Variants in ATRAID observed in about 807,000 individuals in gnomAD.
ATRAID encodes all-trans retinoic acid induced differentiation factor.
Under a neutral mutation model 28.8 loss-of-function variants are expected in ATRAID, and 26 were observed. The observed-to-expected ratio is 0.90, with a 90% confidence interval of 0.66 to 1.25. ATRAID has a LOEUF of 1.25. Ranked by LOEUF, ATRAID falls within the 50% of genes most tolerant of loss-of-function variation. The probability of loss-of-function intolerance (pLI) is 0.00; values close to 1 mark genes in which losing one functional copy is unlikely to be tolerated. For missense variants in ATRAID, 308 were observed against 285.9 expected, an observed-to-expected ratio of 1.08 and a Z score of -0.56; for synonymous variants, 131 against 108.5, an observed-to-expected ratio of 1.21 and a Z score of -1.29.
Position 27,215,232 on chromosome 2 carries a change from A to C in ATRAID, c.222-89A>C, listed in dbSNP as rs191750060. The C allele has an allele frequency of 2.2e-3, 2,855 of 1,303,164 alleles. 45 individuals carry two copies. In the Admixed American group the frequency reaches 0.028, roughly 13 times the overall value. 80.7% of individuals were successfully genotyped at this position (1,303,164 alleles called of 1,614,324 possible). A position where few individuals can be genotyped will look rare whatever the true frequency, so the allele number is the denominator to read the frequency against. On this transcript the variant is annotated intron_variant, in intron 2 of 6. Transcript: ENST00000380171. ...CACAGCTGTGTTCAATTATTAGCTG[A>C]AAAGGGGGTTGTGTAGTCAAATACA...
In ATRAID at chr2:27,215,700, A is replaced by G; in HGVS notation, c.434A>G (p.Asp145Gly). Residue 145 changes from aspartate to glycine, a missense_variant, in exon 5 of 7, where the codon GAC becomes GGC. Asp to Gly is a moderately conservative substitution (Grantham distance 94). Coordinates refer to ENST00000380171, the MANE Select transcript of ATRAID (RefSeq NM_001170795.4). The stretch of plus-strand genomic sequence containing the variant: ...TGGAATACTATCACCTCTTATATAG[A>G]CAACCAAATCTGTCAAGGGCAAAAG... ...NAWNTITSYI[D>G]NQICQGQKNL... The G allele has an allele frequency of 1.2e-6, 2 of 1,614,244 alleles. No homozygotes were observed. Among genetic ancestry groups the G allele is most frequent in the Middle Eastern group, 1.6e-4 (1 of 6,062 alleles).
Position 27,216,927 on chromosome 2 carries a change from C to T in ATRAID, c.669C>T (p.Arg223=). The part of the protein sequence containing the change: ...SVSILLWATQ[R]RKAKTS ...CCATTCTGCTTTGGGCGACCCAGCG[C>T]CGAAAAGCCAAGACTTCATGAACTA... Residue 223 remains arginine, a synonymous_variant, in exon 7 of 7, where the codon CGC becomes CGT. Coordinates refer to ENST00000380171, the MANE Select transcript of ATRAID (RefSeq NM_001170795.4). 4.3e-6 allele frequency: 7 copies of T among 1,613,630 alleles called. No homozygotes were observed. The highest frequency in any genetic ancestry group is 5.9e-6 in the Non-Finnish European group (7 of 1,179,650).
intron 2 of ATRAID, among the ~76,000 whole-genome samples, chr2:27,214,154 C>T (rs1486766559): frequency 6.6e-6 from 1 of 152,128 alleles, no homozygotes; most frequent in Non-Finnish European, 1.5e-5. Flanking sequence ...TTAATGTTTA[C>T]AGTGCTTTTA....
chr2:27,212,629 G>T, intron 1 of ATRAID, 162 bp downstream of exon 1: 1 of 1,413,822 alleles, frequency 7.1e-7, no homozygotes, highest in South Asian at 1.6e-5. Context: ...AAGTACTCAC[G>T]TCGTGCAGGC....
At chr2:27,214,046 A>C (rs1410639875) in intron 2 of ATRAID, among the ~76,000 whole-genome samples, 2 of 152,206 alleles carry the variant, frequency 1.3e-5, no homozygotes, top group Non-Finnish European at 2.9e-5. Context: ...CCTGGGTTCA[A>C]GCGATTCAGT....
At chr2:27,212,979 C>G in intron 1 of ATRAID, 198 bp from the exon 2 acceptor site, 1 of 627,106 alleles carries the variant, frequency 1.6e-6, no homozygotes, top group Non-Finnish European at 2.7e-6. Context: ...GGAGCTGATT[C>G]GGCGCAGGAC....
In ATRAID at chr2:27,212,432, G is replaced by T. The variant is rs745813413; in HGVS notation, c.64G>T (p.Ala22Ser). The T allele has an allele frequency of 1.3e-6, 2 of 1,559,070 alleles. No individual in the cohort carries two copies. The highest frequency in any genetic ancestry group is 1.9e-5 in the Admixed American group (1 of 52,310). The change falls in exon 1 of 7, where the codon GCT becomes TCT. Residue 22 changes from alanine (A) to serine (S), a missense_variant. Transcript: ENST00000380171. ...LVPWAAALLL[A>S]LGVERALALP... ...GCCCTGGGCTGCCGCCCTGCTCCTCGCTCTGGGCGTGGAAAGGGCTCTGGC... is the reference window on the plus strand; with the variant it reads ...GCCCTGGGCTGCCGCCCTGCTCCTCTCTCTGGGCGTGGAAAGGGCTCTGGC...
intron 2 of ATRAID, among the ~76,000 whole-genome samples, chr2:27,213,838 G>A (rs149196525): frequency 6.6e-6 from 1 of 152,274 alleles, no homozygotes; most frequent in East Asian, 1.9e-4. Context: ...CTCCATACCT[G>A]AAATTGCCTT....
chr2:27,216,655 G>A (rs1189300422), intron 6 of ATRAID, 35 bp downstream of exon 6: 2 of 1,563,264 alleles, frequency 1.3e-6, no homozygotes, highest in Non-Finnish European at 8.8e-7. Context: ...GGGATACAAG[G>A]AATGCATAGA....
Position 27,212,239 on chromosome 2 carries a change from GC to G in ATRAID, c.-125del. On this transcript the variant is annotated 5_prime_UTR_variant, in exon 1 of 7. An upstream open reading frame in the 5' UTR gains an earlier in-frame stop. Coordinates refer to ENST00000380171, the MANE Select transcript of ATRAID (RefSeq NM_001170795.4). ...GCGCAGAGCTCCACGAGCAGGAAAA[GC>G]CCCCAAGCAGCCCCAGGGCGACTGG... 5 of 1,561,408 alleles carry G rather than the reference GC, an allele frequency of 3.2e-6. No homozygotes were observed. Among genetic ancestry groups the G allele is most frequent in the Non-Finnish European group, 4.3e-6 (5 of 1,153,356 alleles).
rs571082250 is a variant in ATRAID at position 27,215,699 on chromosome 2, G to A, written c.433G>A (p.Asp145Asn). The A allele has an allele frequency of 3.7e-6, 6 of 1,614,170 alleles. No individual in the cohort carries two copies. The Admixed American group carries it at 8.3e-5, about 22-fold the overall frequency. Residue 145 changes from aspartate (D) to asparagine (N), a missense_variant, in exon 5 of 7, where the codon GAC becomes AAC. By Grantham distance (23) the Asp-to-Asn change is conservative (BLOSUM62 1). Transcript: ENST00000380171. Reference sequence around the variant, plus strand: ...CTGGAATACTATCACCTCTTATATAGACAACCAAATCTGTCAAGGGCAAAA... The same window carrying A: ...CTGGAATACTATCACCTCTTATATAAACAACCAAATCTGTCAAGGGCAAAA... ...NAWNTITSYI[D>N]NQICQGQKNL...
chr2:27,216,988 C>T lies in ATRAID; in HGVS notation c.*40C>T. ...ACCATTGACCTAAGATCAATCTGAACTATCTTAGCCCAGTCAGGGAGCTCT... is the reference window on the plus strand; with the variant it reads ...ACCATTGACCTAAGATCAATCTGAATTATCTTAGCCCAGTCAGGGAGCTCT... On this transcript the variant is annotated 3_prime_UTR_variant, in exon 7 of 7. Transcript: ENST00000380171. 1.3e-6 allele frequency: 2 copies of T among 1,520,232 alleles called. No individual in the cohort carries two copies. The highest frequency in any genetic ancestry group is 1.8e-6 in the Non-Finnish European group (2 of 1,106,812). The allele number at this position is 1,520,232 out of a possible 1,614,324, so 94.2% of individuals were successfully genotyped here. A position where few individuals can be genotyped will look rare whatever the true frequency, so the allele number is the denominator to read the frequency against.
In ATRAID at chr2:27,216,867, CT is replaced by C. The variant is rs1409594522; in HGVS notation, c.611del (p.Phe204SerfsTer34). 2.5e-6 allele frequency: 4 copies of C among 1,614,008 alleles called. No individual in the cohort carries two copies. Among genetic ancestry groups the C allele is most frequent in the Non-Finnish European group, 3.4e-6 (4 of 1,180,008 alleles). ...AGGGCTCGTTCTCACTGCTTATGTT[CT>C]TCGGGATTCTGGGAGCCACCACTCT... ...RQGSFSLLMF[F>X]GILGATTLSV... On this transcript the variant is annotated frameshift_variant, in exon 7 of 7. Coordinates refer to ENST00000380171, the MANE Select transcript of ATRAID (RefSeq NM_001170795.4). LOFTEE classifies it high-confidence loss of function.
chr2:27,217,152 C>T lies in ATRAID; in HGVS notation c.*204C>T, dbSNP rs186115398. 323 of 454,818 alleles carry T rather than the reference C, an allele frequency of 7.1e-4. 1 individual carries two copies. The highest frequency in any genetic ancestry group is 4.1e-3 in the South Asian group (122 of 29,456). 28.2% of individuals were successfully genotyped at this position (454,818 alleles called of 1,614,324 possible). On this transcript the variant is annotated 3_prime_UTR_variant, in exon 7 of 7. Transcript: ENST00000380171. The stretch of plus-strand genomic sequence containing the variant: ...TGTTGCCTATAATAAACACTTTTTT[C>T]TTTTTTTTTCCTCTCTTTCTTTTTA...
In ATRAID at chr2:27,216,938, A is replaced by C; in HGVS notation, c.680A>C (p.Lys227Thr). ...TGGGCGACCCAGCGCCGAAAAGCCA[A>C]GACTTCATGAACTACATAGGTCTTA... ...LLWATQRRKA[K>T]TS is the part of the protein sequence containing the mutation. The change falls in exon 7 of 7, where the codon AAG becomes ACG. Residue 227 changes from lysine to threonine, a missense_variant. Physicochemically the swap from Lys to Thr is moderately conservative, Grantham distance 78 (BLOSUM62 -1). Coordinates refer to ENST00000380171, the MANE Select transcript of ATRAID (RefSeq NM_001170795.4). The C allele has an allele frequency of 6.2e-7, 1 of 1,611,044 alleles. No individual in the cohort carries two copies. The highest frequency in any genetic ancestry group is 8.5e-7 in the Non-Finnish European group (1 of 1,177,446).
rs1219475262 is a variant in ATRAID at position 27,215,926 on chromosome 2, C to T, written c.487+173C>T. 9.9e-5 allele frequency among the ~76,000 whole-genome samples: 15 copies of T among 152,140 alleles called. 1 individual carries two copies. The highest frequency in any genetic ancestry group is 3.6e-4 in the African/African-American group (15 of 41,428). ...CTCTATTATTTGTCTCACGTGTGTCCGTGTAAAGAGACCACCAAACAGGCT... is the reference window on the plus strand; with the variant it reads ...CTCTATTATTTGTCTCACGTGTGTCTGTGTAAAGAGACCACCAAACAGGCT... On this transcript the variant is annotated intron_variant, in intron 5 of 6. Coordinates refer to ENST00000380171, the MANE Select transcript of ATRAID (RefSeq NM_001170795.4).
chr2:27,213,639 C>G (rs1572411033), intron 2 of ATRAID, among the ~76,000 whole-genome samples: 1 of 152,322 alleles, frequency 6.6e-6, no homozygotes, highest in Non-Finnish European at 1.5e-5. Flanking sequence ...TTATCACTCT[C>G]TTGCTTTAAT....
intron 1 of ATRAID, chr2:27,212,969 G>A: frequency 1.7e-6 from 1 of 598,476 alleles, no homozygotes; most frequent in Non-Finnish European, 2.8e-6. Context: ...GAAAGTGTCG[G>A]GAGCTGATTC....
chr2:27,216,570 T>C lies in ATRAID; in HGVS notation c.535T>C (p.Leu179=). 5.6e-6 allele frequency: 9 copies of C among 1,614,204 alleles called. No homozygotes were observed. The highest frequency in any genetic ancestry group is 7.6e-6 in the Non-Finnish European group (9 of 1,180,034). The change falls in exon 6 of 7, where the codon TTG becomes CTG. Residue 179 remains leucine, a synonymous_variant. Transcript: ENST00000380171. ...TTGTGTACCTGATGGTCCAGGTCTT[T>C]TGCAGTGTGTTTGTGCTGATGGTTT... ...GSCVPDGPGL[L]QCVCADGFHG...
Sources: gnomAD v4.1 joint callset for allele counts (sites outside exome capture counted in the v4.1 genomes callset) on GRCh38, gnomAD v4.1.1 for gene constraint, MANE v1.5 for transcripts, NCBI Gene and HGNC (gene_info 2026-07-23, HGNC 2026-07-21) for gene names.